The following KIF21B variants were observed in gnomAD, a reference collection of about 807,000 sequenced individuals.
KIF21B encodes the protein kinesin family member 21B.
Under a neutral mutation model 192.9 loss-of-function variants are expected in KIF21B, and 85 were observed. That is an observed-to-expected ratio of 0.44 (90% confidence interval 0.37 to 0.53). The LOEUF (loss-of-function observed/expected upper bound fraction) is 0.53. Ranked by LOEUF, KIF21B falls within the 20% of genes least tolerant of loss-of-function variation. The pLI, the probability that KIF21B is intolerant of heterozygous loss-of-function variation, is 0.00. For missense variants in KIF21B, 1,716 were observed against 2,194.8 expected, an observed-to-expected ratio of 0.78 and a Z score of 4.36; for synonymous variants, 832 against 884.6, an observed-to-expected ratio of 0.94 and a Z score of 1.05.
chr1:200,978,153 A>G (rs1247837985), intron 30 of KIF21B, among the ~76,000 whole-genome samples: 1 of 144,976 alleles, frequency 6.9e-6, no homozygotes, highest in African/African-American at 2.6e-5. Flanking sequence ...AGGTTCAAGC[A>G]ATTCTCCTGC....
At chr1:200,991,966 T>C (rs1190696292) in intron 16 of KIF21B, among the ~76,000 whole-genome samples, 1 of 152,276 alleles carries the variant, frequency 6.6e-6, no homozygotes, top group Non-Finnish European at 1.5e-5. Context: ...GGAGGAATCC[T>C]GGAGCGGAGG....
chr1:200,974,879 G>A lies in KIF21B; in HGVS notation c.4649C>T (p.Ala1550Val), dbSNP rs924713622. The stretch of plus-strand genomic sequence containing the variant: ...GGGGCGGCCCGGGATGAAGGCCAGG[G>A]CGCACACCCAGTCCTTGTGCGCATT... ...IPNAHKDWVCALAFIPGRPML... is the reference protein window; with the variant it reads ...IPNAHKDWVCVLAFIPGRPML... Residue 1550 changes from alanine to valine, a missense_variant, in exon 34 of 35, where the codon GCC (alanine) becomes GTC (valine). Physicochemically the swap from Ala to Val is moderately conservative, Grantham distance 64. Around this residue, in one of 3 missense-constraint regions of KIF21B, gnomAD observed 580 missense variants for 775.5 expected, o/e 0.75. Transcript: ENST00000461742. 6.2e-7 allele frequency: 1 copy of A among 1,614,088 alleles called. No individual in the cohort carries two copies. Among genetic ancestry groups the A allele is most frequent in the Non-Finnish European group, 8.5e-7 (1 of 1,180,022 alleles).
intron 23 of KIF21B, 21 bp from the exon 24 acceptor site, chr1:200,988,374 G>A (rs755928174): frequency 3.7e-6 from 6 of 1,613,922 alleles, no homozygotes; most frequent in Non-Finnish European, 1.7e-6. Flanking sequence ...AGCAGAGAGA[G>A]TTCAGGATCC....
intron 1 of KIF21B, among the ~76,000 whole-genome samples, chr1:201,016,561 C>T (rs1436746890): frequency 2.6e-5 from 4 of 152,182 alleles, no homozygotes; most frequent in African/African-American, 9.7e-5. Flanking sequence ...CCCAGACACC[C>T]GGGGGCTTTT....
rs1655308355 is a variant in KIF21B, at chr1:200,973,144, G to T, written c.*377C>A. 2 of 204,936 alleles carry T rather than the reference G, an allele frequency of 9.8e-6. No homozygotes were observed. The highest frequency in any genetic ancestry group is 4.6e-5 in the African/African-American group (2 of 43,506). The allele number at this position is 204,936 out of a possible 1,614,324, so 12.7% of individuals were successfully genotyped here. A position where few individuals can be genotyped will look rare whatever the true frequency, so the allele number is the denominator to read the frequency against. ...GGGAGGCCAGCTCCTCGGAAGGGTG[G>T]GATGGGGCCAGGCTGCTGCACCTCC... is the stretch of plus-strand genomic sequence containing the variant. On this transcript the variant is annotated 3_prime_UTR_variant, in exon 35 of 35. Transcript: ENST00000461742.
intron 1 of KIF21B, among the ~76,000 whole-genome samples, chr1:201,018,318 A>G (rs928903816): frequency 6.6e-6 from 1 of 152,210 alleles, no homozygotes; most frequent in Non-Finnish European, 1.5e-5. Context: ...TAAGAAAGGG[A>G]GAATGTGGCT....
At position 200,970,061 on chromosome 1, in the gene KIF21B, A is replaced by G. The variant is rs1474683423; in HGVS notation, c.*3460T>C. ...GGCAGGCTCTGCCCACACAAACACGATGGTGAACAGACCAGGCACAGGCAA... is the reference window on the plus strand; with the variant it reads ...GGCAGGCTCTGCCCACACAAACACGGTGGTGAACAGACCAGGCACAGGCAA... On this transcript the variant is annotated 3_prime_UTR_variant, in exon 35 of 35. Transcript: ENST00000461742. 2 of 152,702 alleles carry G rather than the reference A, an allele frequency of 1.3e-5. No individual in the cohort carries two copies. Among genetic ancestry groups the G allele is most frequent in the Non-Finnish European group, 2.9e-5 (2 of 68,166 alleles). 9.5% of individuals were successfully genotyped at this position (152,702 alleles called of 1,614,324 possible). A position where few individuals can be genotyped will look rare whatever the true frequency, so the allele number is the denominator to read the frequency against.
chr1:201,010,889 G>A (rs796204911), intron 1 of KIF21B, among the ~76,000 whole-genome samples: 25 of 152,350 alleles, frequency 1.6e-4, no homozygotes, highest in African/African-American at 6.0e-4. Context: ...GAGTTAAAGG[G>A]GACTGGGGAG....
chr1:200,974,957 G>A (rs2102368481), intron 33 of KIF21B, 44 bp from the exon 34 acceptor site: 1 of 1,588,546 alleles, frequency 6.3e-7, no homozygotes, highest in Non-Finnish European at 8.6e-7. Flanking sequence ...GAGGTGATGA[G>A]GGAGAGAACC....
Position 200,973,150 on chromosome 1 carries a change from G to A in KIF21B, c.*371C>T. The A allele has an allele frequency of 4.7e-6, 1 of 212,098 alleles. No individual in the cohort carries two copies. Among genetic ancestry groups the A allele is most frequent in the East Asian group, 1.0e-4 (1 of 9,598 alleles). 13.1% of individuals were successfully genotyped at this position (212,098 alleles called of 1,614,324 possible). On this transcript the variant is annotated 3_prime_UTR_variant, in exon 35 of 35. Transcript: ENST00000461742. ...CCAGCTCCTCGGAAGGGTGGGATGG[G>A]GCCAGGCTGCTGCACCTCCCCACAG... is the stretch of plus-strand genomic sequence containing the variant.
intron 1 of KIF21B, among the ~76,000 whole-genome samples, chr1:201,011,255 C>T (rs2102467779): frequency 6.6e-6 from 1 of 152,366 alleles, no homozygotes; most frequent in East Asian, 1.9e-4. Flanking sequence ...TCTACCTCTA[C>T]TGCTAATAAG....
intron 9 of KIF21B, 129 bp downstream of exon 9, chr1:201,002,032 A>T: frequency 1.3e-6 from 1 of 749,114 alleles, no homozygotes; most frequent in South Asian, 1.8e-5. Context: ...AAGTGAAAAA[A>T]AATGCATAAA....
Position 201,004,895 on chromosome 1 carries a change from A to T in KIF21B, c.771T>A (p.Pro257=). The T allele has an allele frequency of 6.2e-7, 1 of 1,611,432 alleles. No homozygotes were observed. Among genetic ancestry groups the T allele is most frequent in the Non-Finnish European group, 8.5e-7 (1 of 1,177,694 alleles). Residue 257 remains proline, a synonymous_variant, in exon 6 of 35, where the codon CCT becomes CCA. Coordinates refer to ENST00000461742, the MANE Select transcript of KIF21B (RefSeq NM_001252102.2). ...EAVTGLPDGT[P]PSSEYETLTA... is the part of the protein sequence containing the mutation. ...TGAGTGTCTCATACTCACTCGAGGG[A>T]GGTGTACCATCAGGAAGCCCAGTCA... is the stretch of plus-strand genomic sequence containing the variant.
intron 29 of KIF21B, 36 bp downstream of exon 29, chr1:200,980,924 C>T (rs942335198): frequency 6.2e-7 from 1 of 1,602,474 alleles, no homozygotes; most frequent in African/African-American, 1.3e-5. Context: ...GAGTAGGAGA[C>T]CCCAACCCTA....
chr1:201,022,815 C>T (rs1658924089), intron 1 of KIF21B, among the ~76,000 whole-genome samples: 1 of 152,232 alleles, frequency 6.6e-6, no homozygotes, highest in Non-Finnish European at 1.5e-5. Flanking sequence ...CATTGACTTC[C>T]CACAGAAGGC....
chr1:200,977,913 T>C (rs1655665421), intron 30 of KIF21B, among the ~76,000 whole-genome samples: 2 of 151,662 alleles, frequency 1.3e-5, no homozygotes, highest in Non-Finnish European at 1.5e-5. Context: ...TTTGTATTTT[T>C]AGTAGAGACG....
intron 1 of KIF21B, among the ~76,000 whole-genome samples, chr1:201,021,539 C>A (rs1032831972): frequency 6.6e-6 from 1 of 152,212 alleles, no homozygotes; most frequent in African/African-American, 2.4e-5. Flanking sequence ...CAGGCATGAT[C>A]CCTTCTCTGC....
In KIF21B at chr1:201,003,981, T is replaced by C. The variant is rs920310515; in HGVS notation, c.1017-200A>G. 2.6e-5 allele frequency among the ~76,000 whole-genome samples: 4 copies of C among 152,240 alleles called. No homozygotes were observed. In the South Asian group the frequency reaches 8.3e-4, roughly 32 times the overall value. On this transcript the variant is annotated intron_variant, in intron 7 of 34. Transcript: ENST00000461742. The stretch of plus-strand genomic sequence containing the variant: ...TTTTCACTGCAACAGCAGGTAACCA[T>C]AGTAAAGGCAGCTACCAAGGCTGGG...
intron 29 of KIF21B, 120 bp from the exon 30 acceptor site, chr1:200,979,835 C>T (rs561817642): frequency 1.2e-5 from 9 of 751,426 alleles, no homozygotes; most frequent in Admixed American, 3.1e-5. Flanking sequence ...CTCCAGAGGA[C>T]GGAGCTCCAG....
Sources: gnomAD v4.1 joint callset for allele counts (sites outside exome capture counted in the v4.1 genomes callset) on GRCh38, gnomAD v4.1.1 for gene constraint, gnomAD v4.1.1 regional missense constraint, MANE v1.5 for transcripts, NCBI Gene and HGNC (gene_info 2026-07-23, HGNC 2026-07-21) for gene names.